The following DCC variants were observed in gnomAD, a reference collection of about 807,000 sequenced individuals.
DCC encodes DCC netrin 1 receptor.
In DCC, 58 loss-of-function variants were observed where a neutral mutation model predicts 172.5. The ratio of observed to expected loss-of-function variants is 0.34; its 90% CI spans 0.27 to 0.42. DCC has a LOEUF of 0.42. Ranked by LOEUF, DCC falls within the 10% of genes least tolerant of loss-of-function variation. The pLI, the probability that DCC is intolerant of heterozygous loss-of-function variation, is 1.00. For synonymous variants in DCC, 709 were observed against 644.5 expected (o/e 1.10, Z -1.52); for missense variants, 1,740 against 1,791.0 (o/e 0.97, Z 0.51).
rs1255226218 is a variant in DCC, at chr18:52,611,877, G to A, written c.92-140177G>A. The stretch of plus-strand genomic sequence containing the variant: ...CTTCAGTGTGCTGTGGGGTAGTATG[G>A]GAATATGAAGAATATAAATGATTAC... On this transcript the variant is annotated intron_variant, in intron 1 of 28. Transcript: ENST00000442544. 3.9e-5 allele frequency among the ~76,000 whole-genome samples: 6 copies of A among 152,070 alleles called. 1 individual carries two copies. The East Asian group carries it at 1.2e-3, about 29-fold the overall frequency.
chr18:52,844,979 A>T (rs1275445535), intron 2 of DCC, among the ~76,000 whole-genome samples: 2 of 152,214 alleles, frequency 1.3e-5, no homozygotes, highest in African/African-American at 4.8e-5. Context: ...ATTTGCCATT[A>T]AAGATAGGCA....
At chr18:52,834,878 T>C (rs1348368608) in intron 2 of DCC, among the ~76,000 whole-genome samples, 1 of 151,396 alleles carries the variant, frequency 6.6e-6, no homozygotes, top group African/African-American at 2.4e-5. Flanking sequence ...TACAATTAAC[T>C]ACTATATGTG....
At chr18:52,550,667 G>A (rs1194398434) in intron 1 of DCC, among the ~76,000 whole-genome samples, 2 of 152,062 alleles carry the variant, frequency 1.3e-5, no homozygotes, top group Non-Finnish European at 2.9e-5. Context: ...CTTAAGCCCT[G>A]GAATAGACAA....
chr18:53,285,601 A>G (rs910627512), intron 12 of DCC, among the ~76,000 whole-genome samples: 2 of 152,228 alleles, frequency 1.3e-5, no homozygotes, highest in African/African-American at 4.8e-5. Context: ...CAGAAAGGAA[A>G]TGTGGGGTCT....
chr18:52,824,138 C>T (rs750615412), intron 2 of DCC, among the ~76,000 whole-genome samples: 13 of 152,096 alleles, frequency 8.5e-5, no homozygotes, highest in Admixed American at 1.3e-4. Context: ...AAGATGGCTT[C>T]GACACACGGA....
At position 53,082,054 on chromosome 18, in the gene DCC, C is replaced by T. The variant is rs1047646452; in HGVS notation, c.1261+15888C>T. Among the ~76,000 whole-genome samples, 7 of 152,126 alleles carry T rather than the reference C, an allele frequency of 4.6e-5. No homozygotes were observed. The South Asian group carries it at 1.2e-3, about 27-fold the overall frequency. ...TGCTTAATCTAAAATCTGTCCTTGT[C>T]AAAGGAGAATGCGTTGGTCCCCATG... On this transcript the variant is annotated intron_variant, in intron 7 of 28. Transcript: ENST00000442544.
chr18:52,468,888 C>A (rs1277458557), intron 1 of DCC, among the ~76,000 whole-genome samples: 1 of 152,078 alleles, frequency 6.6e-6, no homozygotes, highest in Non-Finnish European at 1.5e-5. Context: ...CTCCTTATTT[C>A]AGGAATAGAC....
At chr18:53,099,896 T>C (rs2043139452) in intron 7 of DCC, among the ~76,000 whole-genome samples, 1 of 151,646 alleles carries the variant, frequency 6.6e-6, no homozygotes, top group Admixed American at 6.6e-5. Context: ...GTTAGAGGTA[T>C]ATGAGTTTCA....
intron 1 of DCC, among the ~76,000 whole-genome samples, chr18:52,438,198 CACTGGGTTCTCA>C (rs1987858466): frequency 1.3e-5 from 2 of 152,276 alleles, no homozygotes; most frequent in East Asian, 1.9e-4. Flanking sequence ...TTCACCACTC[CACTGGGTTCTCA>C]ACTGGGTTCT....
chr18:53,296,933 T>C (rs2057074282), intron 12 of DCC, among the ~76,000 whole-genome samples: 1 of 152,180 alleles, frequency 6.6e-6, no homozygotes, highest in Non-Finnish European at 1.5e-5. Context: ...GATAAAACCA[T>C]CTTTTTTAAA....
intron 1 of DCC, among the ~76,000 whole-genome samples, chr18:52,705,443 A>T (rs1489137094): frequency 2.6e-5 from 4 of 152,210 alleles, no homozygotes; most frequent in African/African-American, 9.6e-5. Context: ...CTGCTTGTGC[A>T]AAACCTCTGG....
At chr18:52,827,307 A>G (rs1314579827) in intron 2 of DCC, among the ~76,000 whole-genome samples, 9 of 152,210 alleles carry the variant, frequency 5.9e-5, no homozygotes, top group African/African-American at 2.2e-4. Context: ...AGAGCCTTTA[A>G]TAGCTACATC....
chr18:52,977,609 G>A (rs2041139055), intron 5 of DCC, among the ~76,000 whole-genome samples: 1 of 152,160 alleles, frequency 6.6e-6, no homozygotes, highest in African/African-American at 2.4e-5. Context: ...ATCTGGGCCG[G>A]GCGCAGTGGC....
At chr18:52,489,322 C>G (rs1470812125) in intron 1 of DCC, among the ~76,000 whole-genome samples, 1 of 152,092 alleles carries the variant, frequency 6.6e-6, no homozygotes, top group Non-Finnish European at 1.5e-5. Flanking sequence ...GGCAAAGATT[C>G]ATATTTTAAC....
intron 9 of DCC, among the ~76,000 whole-genome samples, chr18:53,182,241 C>T (rs1173664815): frequency 6.6e-6 from 1 of 152,150 alleles, no homozygotes; most frequent in African/African-American, 2.4e-5. Flanking sequence ...ATGATGCAGC[C>T]ATGAATCTTT....
At chr18:53,461,843 C>T (rs1322869883) in intron 24 of DCC, among the ~76,000 whole-genome samples, 3 of 152,182 alleles carry the variant, frequency 2.0e-5, no homozygotes, top group African/African-American at 7.2e-5. Flanking sequence ...ATTAAAGATT[C>T]TCCTTTCTCA....
At chr18:52,432,693 A>C (rs919900442) in intron 1 of DCC, among the ~76,000 whole-genome samples, 3 of 152,166 alleles carry the variant, frequency 2.0e-5, no homozygotes, top group Non-Finnish European at 2.9e-5. Context: ...ACTTGAAAGG[A>C]GTTTAATACT....
intron 1 of DCC, among the ~76,000 whole-genome samples, chr18:52,730,969 A>C (rs2036630671): frequency 6.6e-6 from 1 of 152,196 alleles, no homozygotes; most frequent in African/African-American, 2.4e-5. Context: ...ATACCACCCA[A>C]TAAAAGAATA....
At chr18:52,906,385 A>G (rs1598916777) in intron 3 of DCC, 57 bp downstream of exon 3, 1 of 1,574,836 alleles carries the variant, frequency 6.3e-7, no homozygotes, top group Non-Finnish European at 8.7e-7. Flanking sequence ...AAGTTGAAAA[A>G]CAATTTTTTT....
Sources: allele counts gnomAD v4.1 joint callset (sites outside exome capture counted in the v4.1 genomes callset), GRCh38; gene constraint gnomAD v4.1.1; transcripts MANE v1.5; gene names NCBI Gene and HGNC (gene_info 2026-07-23, HGNC 2026-07-21).